TMEM132B: variants seen among roughly 807,000 people sequenced by gnomAD.
TMEM132B encodes the protein transmembrane protein 132B.
A neutral mutation model predicts 90.8 loss-of-function variants in TMEM132B; 18 were observed. That is an observed-to-expected ratio of 0.20 (90% CI 0.14 to 0.29). TMEM132B has a LOEUF of 0.29. TMEM132B is among the 10% of genes least tolerant of loss of function. The probability of loss-of-function intolerance (pLI) is 1.00; values close to 1 mark genes in which losing one functional copy is unlikely to be tolerated. For missense variants in TMEM132B, 1,096 were observed against 1,326.8 expected (o/e 0.83, Z 2.70); for synonymous variants, 504 against 523.3 (o/e 0.96, Z 0.50).
At position 125,458,865 on chromosome 12, in the gene TMEM132B, T is replaced by TG. The variant is rs1296850877; in HGVS notation, c.1106+43188_1106+43189insG. Among the ~76,000 whole-genome samples the TG allele has an allele frequency of 6.6e-6, 1 of 152,130 alleles. No individual in the cohort carries two copies. The highest frequency in any genetic ancestry group is 1.5e-5 in the Non-Finnish European group (1 of 68,020). Reference sequence around the variant, plus strand: ...CTGTCATCACTTGACCTGGCTGTCTTTATTTTAGTTCCATGCTATGACACT... The same window carrying TG: ...CTGTCATCACTTGACCTGGCTGTCTTGTATTTTAGTTCCATGCTATGACACT... On this transcript the variant is annotated intron_variant, in intron 3 of 8. Coordinates refer to ENST00000682704, the MANE Select transcript of TMEM132B (RefSeq NM_001366854.1). The surrounding 1 kb of genome is among the most constrained non-coding windows in gnomAD (Gnocchi z 4.9).
chr12:125,581,204 T>C (rs532935655), intron 4 of TMEM132B, among the ~76,000 whole-genome samples: 1 of 152,192 alleles, frequency 6.6e-6, no homozygotes, highest in Non-Finnish European at 1.5e-5. Context: ...CTTTGAAGGC[T>C]GTGAGCTTCT....
At chr12:125,448,388 C>G (rs929385532) in intron 3 of TMEM132B, among the ~76,000 whole-genome samples, 2 of 152,118 alleles carry the variant, frequency 1.3e-5, no homozygotes, top group African/African-American at 4.8e-5. Flanking sequence ...CATTCCTACT[C>G]CTCTTCCCAG....
chr12:125,220,636 G>C (rs1229297166), intron 1 of TMEM132B, among the ~76,000 whole-genome samples: 3 of 152,186 alleles, frequency 2.0e-5, no homozygotes, highest in Non-Finnish European at 4.4e-5. Context: ...AGGCACCACG[G>C]AGCTCCTGGT....
At chr12:125,590,663 T>A (rs149573482) in intron 5 of TMEM132B, among the ~76,000 whole-genome samples, 3 of 152,214 alleles carry the variant, frequency 2.0e-5, no homozygotes, top group Non-Finnish European at 4.4e-5. Context: ...TTGGGAGATA[T>A]AAAGGTGTAA....
chr12:125,257,171 G>A (rs1350840287), intron 1 of TMEM132B, among the ~76,000 whole-genome samples: 1 of 152,084 alleles, frequency 6.6e-6, no homozygotes, highest in Admixed American at 6.6e-5. Flanking sequence ...TCTGGTGTGG[G>A]GATGTTCGCC....
chr12:125,369,455 T>A (rs1021306652), intron 2 of TMEM132B, among the ~76,000 whole-genome samples: 4 of 152,160 alleles, frequency 2.6e-5, no homozygotes, highest in African/African-American at 9.7e-5. Context: ...TTGATAATAA[T>A]AACTGAAGCC....
chr12:125,515,890 GCA>G (rs1566060190), intron 3 of TMEM132B, among the ~76,000 whole-genome samples: 1 of 128,160 alleles, frequency 7.8e-6, no homozygotes, highest in African/African-American at 3.6e-5. Flanking sequence ...ACATTCTCAC[GCA>G]CACATTTACA....
At chr12:125,651,934 G>A (rs1315097829) in intron 7 of TMEM132B, among the ~76,000 whole-genome samples, 5 of 152,180 alleles carry the variant, frequency 3.3e-5, no homozygotes, top group African/African-American at 7.2e-5. Context: ...GGTCCCTTCC[G>A]CCTTCAGTAA....
intron 1 of TMEM132B, among the ~76,000 whole-genome samples, chr12:125,343,579 G>A (rs557972604): frequency 2.8e-4 from 43 of 152,346 alleles, no homozygotes; most frequent in Admixed American, 9.2e-4. Context: ...GATAGAGCTG[G>A]TATGAATTCT....
chr12:125,602,074 A>G (rs1885585299), intron 5 of TMEM132B, among the ~76,000 whole-genome samples: 1 of 152,236 alleles, frequency 6.6e-6, no homozygotes, highest in Non-Finnish European at 1.5e-5. Context: ...AACTATTCCA[A>G]ACAATTGAAA....
At chr12:125,207,787 T>A (rs778110297) in intron 1 of TMEM132B, among the ~76,000 whole-genome samples, 1 of 152,196 alleles carries the variant, frequency 6.6e-6, no homozygotes, top group Non-Finnish European at 1.5e-5. Flanking sequence ...CTGTCTCTAT[T>A]CATTTGAATA....
chr12:125,610,454 G>A (rs1486979069), intron 5 of TMEM132B, among the ~76,000 whole-genome samples: 1 of 152,078 alleles, frequency 6.6e-6, no homozygotes, highest in Non-Finnish European at 1.5e-5. Flanking sequence ...TTTTAACATG[G>A]ACTGGTTGTA....
In TMEM132B at chr12:125,415,143, A is replaced by C. The variant is rs966766697; in HGVS notation, c.960-388A>C. Among the ~76,000 whole-genome samples the C allele has an allele frequency of 4.6e-5, 7 of 151,542 alleles. No homozygotes were observed. The highest frequency in any genetic ancestry group is 1.7e-4 in the African/African-American group (7 of 41,196). On this transcript the variant is annotated intron_variant, in intron 2 of 8. Transcript: ENST00000682704. This position sits in a 1 kb window ranked among gnomAD's most constrained non-coding sequence, Gnocchi z 5.3. Reference sequence around the variant, plus strand: ...GTGATCTTCTGGCCTTGCACAACCCACCCCGCATCTTAAAGACTCTTCTCC... The same window carrying C: ...GTGATCTTCTGGCCTTGCACAACCCCCCCCGCATCTTAAAGACTCTTCTCC...
intron 1 of TMEM132B, among the ~76,000 whole-genome samples, chr12:125,221,728 C>T (rs560183108): frequency 6.6e-6 from 1 of 152,270 alleles, no homozygotes; most frequent in East Asian, 1.9e-4. Context: ...GTAATTCATC[C>T]CTGTAGGAAC....
intron 1 of TMEM132B, among the ~76,000 whole-genome samples, chr12:125,188,870 A>AG (rs1555230836): frequency 6.6e-6 from 1 of 151,264 alleles, no homozygotes; most frequent in African/African-American, 2.4e-5. Context: ...AAAAAAAAAA[A>AG]AAAGAAAAAA....
At chr12:125,366,684 T>A (rs1314956678) in intron 2 of TMEM132B, among the ~76,000 whole-genome samples, 1 of 152,222 alleles carries the variant, frequency 6.6e-6, no homozygotes, top group African/African-American at 2.4e-5. Flanking sequence ...TGTTGTGTAG[T>A]TAAATTTGTA....
chr12:125,216,901 G>A (rs912727912), intron 1 of TMEM132B, among the ~76,000 whole-genome samples: 4 of 152,198 alleles, frequency 2.6e-5, no homozygotes, highest in African/African-American at 4.8e-5. Flanking sequence ...TGCCTCCTGC[G>A]TGGCTGGGCA....
At position 125,554,427 on chromosome 12, in the gene TMEM132B, T is replaced by TAA. The variant is rs71447048; in HGVS notation, c.1294-29398_1294-29397dup. Among the ~76,000 whole-genome samples the TAA allele has an allele frequency of 3.7e-4, 26 of 69,498 alleles. 1 individual carries two copies. The highest frequency in any genetic ancestry group is 1.2e-3 in the South Asian group (2 of 1,648). 45.6% of individuals were successfully genotyped at this position (69,498 alleles called of 152,430 possible). On this transcript the variant is annotated intron_variant, in intron 4 of 8. Transcript: ENST00000682704. Reference sequence around the variant, plus strand: ...GCGACAAAGTGAGACTCCATTTCATTAAAAAAAAAAAAAAAAAAAAAAAAA... The same window carrying TAA: ...GCGACAAAGTGAGACTCCATTTCATTAAAAAAAAAAAAAAAAAAAAAAAAAAA...
intron 2 of TMEM132B, among the ~76,000 whole-genome samples, chr12:125,388,532 T>C (rs951291597): frequency 6.6e-6 from 1 of 152,206 alleles, no homozygotes; most frequent in Non-Finnish European, 1.5e-5. Context: ...ATCACTCTAG[T>C]TGGAGCATTG....
Sources: allele counts gnomAD v4.1 joint callset (sites outside exome capture counted in the v4.1 genomes callset), GRCh38; gene constraint gnomAD v4.1.1; non-coding constraint Gnocchi (gnomAD v3.1); transcripts MANE v1.5; gene names NCBI Gene and HGNC (gene_info 2026-07-23, HGNC 2026-07-21).